HYDIN: variants seen among roughly 807,000 people sequenced by gnomAD.
HYDIN encodes axonemal central pair apparatus protein HYDIN.
A neutral mutation model predicts 403.9 loss-of-function variants in HYDIN; 132 were observed. The ratio of observed to expected loss-of-function variants is 0.33; its 90% CI spans 0.28 to 0.38. The LOEUF (loss-of-function observed/expected upper bound fraction) is 0.38. Among genes scored for constraint, HYDIN ranks in the 10% least tolerant of loss-of-function variants. The probability of loss-of-function intolerance (pLI) is 1.00; values close to 1 mark genes in which losing one functional copy is unlikely to be tolerated. For missense variants in HYDIN, 2,827 were observed against 5,009.5 expected, an observed-to-expected ratio of 0.56 and a Z score of 13.15; for synonymous variants, 1,202 against 1,891.7, an observed-to-expected ratio of 0.64 and a Z score of 9.46.
chr16:70,902,813 ATATATATATTT>A (rs1369284147), intron 52 of HYDIN, among the ~76,000 whole-genome samples: 721 of 29,312 alleles, frequency 0.025, 26 homozygotes, highest in South Asian at 0.11. Context: ...ATATATATAT[ATATATATATTT>A]TTTTTTTTTT....
intron 80 of HYDIN, among the ~76,000 whole-genome samples, chr16:70,831,425 C>T (rs1235628796): frequency 1.5e-5 from 2 of 136,124 alleles, no homozygotes; most frequent in African/African-American, 5.5e-5. Flanking sequence ...AGGAGAATTG[C>T]TTGAATCTGG....
intron 1 of HYDIN, among the ~76,000 whole-genome samples, chr16:71,210,820 C>T (rs1455325315): frequency 6.6e-6 from 1 of 151,840 alleles, no homozygotes; most frequent in Non-Finnish European, 1.5e-5. Flanking sequence ...ATAATAAATG[C>T]AACTGTATTG....
At chr16:71,228,067 T>C (rs2041118195) in intron 1 of HYDIN, among the ~76,000 whole-genome samples, 1 of 152,134 alleles carries the variant, frequency 6.6e-6, no homozygotes, top group Non-Finnish European at 1.5e-5. Context: ...GGGAAAGGAT[T>C]CCCTATTTAA....
chr16:71,019,839 A>G (rs1204880117), intron 22 of HYDIN, among the ~76,000 whole-genome samples: 143 of 152,092 alleles, frequency 9.4e-4, no homozygotes, highest in African/African-American at 3.2e-3. Flanking sequence ...AAAAAACACC[A>G]TATTTGAATT....
intron 5 of HYDIN, among the ~76,000 whole-genome samples, chr16:71,171,064 G>T (rs1007701974): frequency 6.6e-6 from 1 of 152,096 alleles, no homozygotes; most frequent in Non-Finnish European, 1.5e-5. Context: ...TCCTTCATGA[G>T]CTCACCTGCT....
At chr16:71,044,940 C>T (rs963795672) in intron 18 of HYDIN, among the ~76,000 whole-genome samples, 2 of 150,410 alleles carry the variant, frequency 1.3e-5, no homozygotes, top group Admixed American at 6.6e-5. Context: ...GTTGGGGGAA[C>T]TAGAATTTCC....
At chr16:71,184,169 T>C (rs1021511306) in intron 3 of HYDIN, among the ~76,000 whole-genome samples, 1 of 151,992 alleles carries the variant, frequency 6.6e-6, no homozygotes, top group Non-Finnish European at 1.5e-5. Flanking sequence ...ATGAGGAACA[T>C]AACATTGAAA....
At chr16:71,213,341 TA>T (rs2088696205) in intron 1 of HYDIN, among the ~76,000 whole-genome samples, 1 of 152,092 alleles carries the variant, frequency 6.6e-6, no homozygotes, top group Non-Finnish European at 1.5e-5. Context: ...ATATTAACAG[TA>T]AAAATAGGCT....
In HYDIN at chr16:70,863,024, C is replaced by T. The variant is rs2039506671; in HGVS notation, c.11569+61G>A. On this transcript the variant is annotated intron_variant, in intron 68 of 85. Transcript: ENST00000393567. ...TGAGCAGTGCTGGCCTCTCCATGAA[C>T]AAGGCTCTTCTAATTGGTGACTCAG... The T allele has an allele frequency of 2.1e-6, 3 of 1,438,638 alleles. No individual in the cohort carries two copies. The East Asian group carries it at 6.9e-5, about 33-fold the overall frequency. The allele number at this position is 1,438,638 out of a possible 1,614,324, so 89.1% of individuals were successfully genotyped here. A position where few individuals can be genotyped will look rare whatever the true frequency, so the allele number is the denominator to read the frequency against.
At chr16:71,171,469 T>C (rs1041280169) in intron 5 of HYDIN, among the ~76,000 whole-genome samples, 4 of 152,234 alleles carry the variant, frequency 2.6e-5, no homozygotes, top group African/African-American at 7.2e-5. Flanking sequence ...CTATTCTCCA[T>C]TGGATCTGGC....
At position 70,884,080 on chromosome 16, in the gene HYDIN, G is replaced by C. The variant is rs1299224596; in HGVS notation, c.9819C>G (p.Gly3273=). ...HGMFTVYPGF[G]SIPSGGQQVI... is the part of the protein sequence containing the mutation. Reference sequence around the variant, plus strand: ...CCTGCTGTCCTCCGGAAGGAATGGAGCCAAACCCAGGGTACACGGTGAACA... The same window carrying C: ...CCTGCTGTCCTCCGGAAGGAATGGACCCAAACCCAGGGTACACGGTGAACA... The change falls in exon 59 of 86, where the codon GGC becomes GGG. Residue 3273 remains glycine (G), a synonymous_variant. Coordinates refer to ENST00000393567, the MANE Select transcript of HYDIN (RefSeq NM_001270974.2). The C allele has an allele frequency of 3.1e-6, 5 of 1,610,758 alleles. No individual in the cohort carries two copies. The highest frequency in any genetic ancestry group is 4.2e-6 in the Non-Finnish European group (5 of 1,178,658).
At chr16:70,971,141 C>A (rs2078720391) in intron 35 of HYDIN, among the ~76,000 whole-genome samples, 1 of 152,158 alleles carries the variant, frequency 6.6e-6, no homozygotes, top group African/African-American at 2.4e-5. Flanking sequence ...AACCTGCTGT[C>A]CATGGGCAGG....
chr16:71,207,209 T>C (rs2088345228), intron 1 of HYDIN, among the ~76,000 whole-genome samples: 1 of 152,194 alleles, frequency 6.6e-6, no homozygotes, highest in African/African-American at 2.4e-5. Context: ...GGGAAACCCA[T>C]CAGACTAACA....
chr16:70,809,832 A>T lies in HYDIN; in HGVS notation c.14834T>A (p.Leu4945His). 1 of 1,614,210 alleles carries T rather than the reference A, an allele frequency of 6.2e-7. No individual in the cohort carries two copies. Among genetic ancestry groups the T allele is most frequent in the Non-Finnish European group, 8.5e-7 (1 of 1,180,032 alleles). The stretch of plus-strand genomic sequence containing the variant: ...CCGTGTGTAATTGATGAACTTCACA[A>T]GGATGATTTGGCTGCTGCCAAGGAC... ...QTVLGSSQII[L>H]VKFINYTRQR... The change falls in exon 85 of 86, where the codon CTT becomes CAT. Residue 4945 changes from leucine (L) to histidine (H), a missense_variant. Physicochemically the swap from Leu to His is moderately conservative, Grantham distance 99 (BLOSUM62 -3). Transcript: ENST00000393567.
At chr16:71,215,073 A>G (rs182849936) in intron 1 of HYDIN, among the ~76,000 whole-genome samples, 6 of 152,300 alleles carry the variant, frequency 3.9e-5, no homozygotes, top group African/African-American at 7.2e-5. Context: ...ACTATCACAG[A>G]CTGTACAATC....
At position 70,920,708 on chromosome 16, in the gene HYDIN, G is replaced by C; in HGVS notation, c.7668C>G (p.His2556Gln). 1 of 1,601,698 alleles carries C rather than the reference G, an allele frequency of 6.2e-7. No individual in the cohort carries two copies. Among genetic ancestry groups the C allele is most frequent in the Non-Finnish European group, 8.5e-7 (1 of 1,173,518 alleles). Residue 2556 changes from histidine (H) to glutamine (Q), a missense_variant, in exon 46 of 86, where the codon CAC (histidine) becomes CAG (glutamine). Coordinates refer to ENST00000393567, the MANE Select transcript of HYDIN (RefSeq NM_001270974.2). ...CCAGGTCCTTCTCCTTCTTCCCTTC[G>C]TGGTCCTCCTCCCCTTCCCCCTCCC... is the stretch of plus-strand genomic sequence containing the variant. ...SDWEGEGEED[H>Q]EGKKEKDLGV...
chr16:70,967,262 G>A (rs1293702540), intron 36 of HYDIN, among the ~76,000 whole-genome samples: 1 of 152,056 alleles, frequency 6.6e-6, no homozygotes, highest in Non-Finnish European at 1.5e-5. Context: ...TAGCCTTACT[G>A]TTAGTAGGAA....
chr16:70,914,798 T>C (rs1215794766), intron 47 of HYDIN, among the ~76,000 whole-genome samples: 2 of 94,818 alleles, frequency 2.1e-5, no homozygotes, highest in East Asian at 4.6e-4. Context: ...TCATTTAACA[T>C]AATCCCAGAC....
rs2082339161 is a variant in HYDIN, at chr16:71,068,186, T to C, written c.1975-796A>G. ...GCTTTCAGAAGACTTGTTATGATTT[T>C]TAATTGCTTCAAAATTGTATGTACT... On this transcript the variant is annotated intron_variant, in intron 14 of 85. Transcript: ENST00000393567. 1.3e-4 allele frequency among the ~76,000 whole-genome samples: 19 copies of C among 149,736 alleles called. No individual in the cohort carries two copies. In the South Asian group the frequency reaches 4.1e-3, roughly 32 times the overall value.
Sources: gnomAD v4.1 joint callset for allele counts (sites outside exome capture counted in the v4.1 genomes callset) on GRCh38, gnomAD v4.1.1 for gene constraint, MANE v1.5 for transcripts, NCBI Gene and HGNC (gene_info 2026-07-23, HGNC 2026-07-21) for gene names.